Variants in SHISA9 observed in about 807,000 individuals in gnomAD.
The protein encoded by SHISA9 is shisa family member 9, also known as protein shisa-9.
In SHISA9, 13 loss-of-function variants were observed where a neutral mutation model predicts 38.0. That is an observed-to-expected ratio of 0.34 (90% CI 0.22 to 0.54). The LOEUF is 0.54. Ranked by LOEUF, SHISA9 falls within the 20% of genes least tolerant of loss-of-function variation. The probability of loss-of-function intolerance (pLI) is 0.91; values close to 1 mark genes in which losing one functional copy is unlikely to be tolerated. For synonymous variants in SHISA9, 275 were observed against 242.0 expected (o/e 1.14, Z -1.27); for missense variants, 538 against 575.8 (o/e 0.93, Z 0.67).
chr16:13,428,287 C>T, the SHISA9 span, among the ~76,000 whole-genome samples: 1 of 151,604 alleles, frequency 6.6e-6, no homozygotes, highest in Admixed American at 6.6e-5. Flanking sequence ...GCAAGAAAAA[C>T]AAAGAAAGAG....
chr16:13,068,835 C>A (rs1005986973), intron 2 of SHISA9, among the ~76,000 whole-genome samples: 2 of 151,106 alleles, frequency 1.3e-5, no homozygotes, highest in African/African-American at 4.9e-5. Flanking sequence ...TGTACTTATG[C>A]ATGTATGTGT....
the SHISA9 span, among the ~76,000 whole-genome samples, chr16:13,384,021 C>T: frequency 3.3e-5 from 5 of 152,100 alleles, no homozygotes; most frequent in African/African-American, 9.7e-5. Flanking sequence ...CAGGTGTTTG[C>T]TATTTTTTAG....
chr16:13,122,971 C>T (rs181093355), intron 2 of SHISA9, among the ~76,000 whole-genome samples: 111 of 151,498 alleles, frequency 7.3e-4, no homozygotes, highest in African/African-American at 2.0e-3. Context: ...TGCTTGAACC[C>T]GGGAAGCGGA....
intron 2 of SHISA9, among the ~76,000 whole-genome samples, chr16:12,972,041 TTGTGTGTGTGTGTGTG>T (rs72368949): frequency 2.9e-4 from 41 of 142,042 alleles, no homozygotes; most frequent in African/African-American, 1.0e-3. Context: ...CTCTTGGAGT[TTGTGTGTGTGTGTGTG>T]TGTGTGTGTG....
At chr16:13,012,621 C>G (rs2072692459) in intron 2 of SHISA9, among the ~76,000 whole-genome samples, 4 of 152,154 alleles carry the variant, frequency 2.6e-5, no homozygotes, top group African/African-American at 9.7e-5. Flanking sequence ...CAGGGAAATG[C>G]TTGCTAAGTG....
the SHISA9 span, among the ~76,000 whole-genome samples, chr16:13,500,072 T>A: frequency 6.6e-6 from 1 of 152,024 alleles, no homozygotes; most frequent in Admixed American, 6.5e-5. Flanking sequence ...CATCTTGAAT[T>A]GTAATCCTCA....
the SHISA9 span, among the ~76,000 whole-genome samples, chr16:13,473,461 T>TC: frequency 6.6e-6 from 1 of 150,788 alleles, no homozygotes; most frequent in African/African-American, 2.4e-5. Flanking sequence ...TTAATTCTTA[T>TC]CAAAGTTCCC....
chr16:13,454,676 C>G, the SHISA9 span, among the ~76,000 whole-genome samples: 1 of 152,134 alleles, frequency 6.6e-6, no homozygotes, highest in African/African-American at 2.4e-5. Flanking sequence ...ACAAAAGAAG[C>G]CAGACTGTCC....
In SHISA9 at chr16:13,203,405, A is replaced by G. The variant is rs891120385; in HGVS notation, c.703A>G (p.Met235Val). Reference sequence around the variant, plus strand: ...GTCTTCACTTCCAGATGCCACCCAGATGAACAACGCAGTGCCCACCTCTCC... The same window carrying G: ...GTCTTCACTTCCAGATGCCACCCAGGTGAACAACGCAGTGCCCACCTCTCC... The part of the protein sequence containing the change: ...TPINNLHATQ[M>V]NNAVPTSPLL... Residue 235 changes from methionine to valine, a missense_variant, in exon 3 of 5, where the codon ATG becomes GTG. Coordinates refer to ENST00000558583, the MANE Select transcript of SHISA9 (RefSeq NM_001145204.3). 1.3e-6 allele frequency: 2 copies of G among 1,533,612 alleles called. No individual in the cohort carries two copies. Among genetic ancestry groups the G allele is most frequent in the Non-Finnish European group, 8.8e-7 (1 of 1,140,236 alleles).
At chr16:12,905,241 T>A (rs1249021413) in intron 1 of SHISA9, among the ~76,000 whole-genome samples, 1 of 152,152 alleles carries the variant, frequency 6.6e-6, no homozygotes, top group Non-Finnish European at 1.5e-5. Context: ...ATGGCTCAGG[T>A]GAGGTGCTGT....
intron 2 of SHISA9, among the ~76,000 whole-genome samples, chr16:12,926,893 A>C (rs1416492536): frequency 2.0e-5 from 3 of 152,156 alleles, no homozygotes; most frequent in African/African-American, 7.2e-5. Context: ...AGGTCTGATT[A>C]ATTTTGTACA....
At chr16:13,245,911 C>G in the SHISA9 span, among the ~76,000 whole-genome samples, 1 of 152,152 alleles carries the variant, frequency 6.6e-6, no homozygotes, top group Non-Finnish European at 1.5e-5. Context: ...TATTTAAGGG[C>G]TTAAATAAAT....
At chr16:13,007,113 A>T (rs1567179423) in intron 2 of SHISA9, among the ~76,000 whole-genome samples, 1 of 152,218 alleles carries the variant, frequency 6.6e-6, no homozygotes. Flanking sequence ...AGATAATACA[A>T]CGTACAACAC....
chr16:13,448,085 A>G, the SHISA9 span, among the ~76,000 whole-genome samples: 5 of 152,180 alleles, frequency 3.3e-5, no homozygotes, highest in Non-Finnish European at 7.3e-5. Flanking sequence ...ACCTGTCCAC[A>G]TGAACCTCTT....
intron 1 of SHISA9, chr16:12,909,025 C>A: frequency 3.0e-6 from 3 of 997,588 alleles, no homozygotes; most frequent in Non-Finnish European, 3.6e-6. Flanking sequence ...CTTTTGCCTT[C>A]CAGTTTCTCT....
chr16:13,161,360 G>A (rs2050593754), intron 2 of SHISA9, among the ~76,000 whole-genome samples: 1 of 152,216 alleles, frequency 6.6e-6, no homozygotes, highest in South Asian at 2.1e-4. Flanking sequence ...CCTCACATAA[G>A]ACCTGGACCC....
the SHISA9 span, among the ~76,000 whole-genome samples, chr16:13,532,209 A>G: frequency 2.0e-5 from 3 of 152,216 alleles, no homozygotes; most frequent in African/African-American, 7.2e-5. Flanking sequence ...TGCCCTGTAT[A>G]GGTTGTTAAC....
intron 2 of SHISA9, among the ~76,000 whole-genome samples, chr16:13,060,557 C>T (rs905696194): frequency 1.4e-5 from 2 of 145,642 alleles, no homozygotes; most frequent in Non-Finnish European, 3.0e-5. Context: ...TCTTGAAATA[C>T]ACTCTGGAGG....
chr16:13,220,848 T>G (rs2051217101), intron 4 of SHISA9, among the ~76,000 whole-genome samples: 3 of 152,238 alleles, frequency 2.0e-5, no homozygotes, highest in South Asian at 4.1e-4. Flanking sequence ...ACAGCAGGAC[T>G]GCCTAAGTGA....
Sources: gnomAD v4.1 joint callset for allele counts (sites outside exome capture counted in the v4.1 genomes callset) on GRCh38, gnomAD v4.1.1 for gene constraint, MANE v1.5 for transcripts, NCBI Gene and HGNC (gene_info 2026-07-23, HGNC 2026-07-21) for gene names.